The following LIN28B variants were observed in gnomAD, a reference collection of about 807,000 sequenced individuals.
LIN28B encodes protein lin-28 homolog B.
Under a neutral mutation model 21.9 loss-of-function variants are expected in LIN28B, and 5 were observed. That is an observed-to-expected ratio of 0.23 (90% CI 0.12 to 0.48). The LOEUF (loss-of-function observed/expected upper bound fraction) is 0.48. LIN28B is among the 20% of genes least tolerant of loss of function. The pLI, the probability that LIN28B is intolerant of heterozygous loss-of-function variation, is 0.98. For synonymous variants in LIN28B, 109 were observed against 111.3 expected, an observed-to-expected ratio of 0.98 and a Z score of 0.13; for missense variants, 245 against 310.5, an observed-to-expected ratio of 0.79 and a Z score of 1.58.
chr6:104,985,852 T>C (rs1562081943), intron 2 of LIN28B, among the ~76,000 whole-genome samples: 2 of 152,208 alleles, frequency 1.3e-5, no homozygotes, highest in African/African-American at 4.8e-5. Flanking sequence ...TTTATTTGTT[T>C]TGTCTTATGA....
rs1247907995 is a variant in LIN28B, at chr6:105,078,806, T to A, written c.*23T>A. ...TAACAGGTCTTCTTCATATGTTCTT[T>A]CCTTTACCCGGTTGCAAAGTCTACC... On this transcript the variant is annotated 3_prime_UTR_variant, in exon 4 of 4. Coordinates refer to ENST00000345080, the MANE Select transcript of LIN28B (RefSeq NM_001004317.4). 6.3e-7 allele frequency: 1 copy of A among 1,594,692 alleles called. No homozygotes were observed. Among genetic ancestry groups the A allele is most frequent in the Non-Finnish European group, 8.6e-7 (1 of 1,168,352 alleles).
intron 3 of LIN28B, among the ~76,000 whole-genome samples, chr6:105,070,601 C>A (rs990128713): frequency 1.4e-5 from 2 of 144,372 alleles, no homozygotes; most frequent in African/African-American, 5.2e-5. Flanking sequence ...ACCACACACA[C>A]ACACACACAC....
intron 2 of LIN28B, among the ~76,000 whole-genome samples, chr6:104,946,401 G>A (rs2114547016): frequency 6.6e-6 from 1 of 152,178 alleles, no homozygotes; most frequent in East Asian, 1.9e-4. Context: ...TTTTACTGAG[G>A]CAGCATTTGA....
At chr6:105,036,598 A>G (rs928172603) in intron 3 of LIN28B, among the ~76,000 whole-genome samples, 1 of 152,010 alleles carries the variant, frequency 6.6e-6, no homozygotes, top group Non-Finnish European at 1.5e-5. Flanking sequence ...ACCCTCTGCC[A>G]GACATTGTGT....
chr6:104,984,532 A>G (rs1435353634), intron 2 of LIN28B, among the ~76,000 whole-genome samples: 2 of 151,522 alleles, frequency 1.3e-5, no homozygotes, highest in Non-Finnish European at 2.9e-5. Flanking sequence ...GCGGTCTCCA[A>G]CTCCTGGGCC....
intron 3 of LIN28B, among the ~76,000 whole-genome samples, chr6:105,059,444 T>C (rs1400699642): frequency 6.6e-6 from 1 of 152,218 alleles, no homozygotes; most frequent in African/African-American, 2.4e-5. Context: ...CCCAAGTCTG[T>C]GACTTCAACC....
chr6:105,009,467 G>A (rs1480014368), intron 2 of LIN28B, among the ~76,000 whole-genome samples: 3 of 152,048 alleles, frequency 2.0e-5, no homozygotes, highest in South Asian at 2.1e-4. Context: ...GGGGGGAGGC[G>A]TGTTATTATT....
chr6:105,019,279 A>G (rs1771089146), intron 2 of LIN28B, among the ~76,000 whole-genome samples: 2 of 152,022 alleles, frequency 1.3e-5, no homozygotes, highest in Admixed American at 1.3e-4. Flanking sequence ...ATGTTTTATG[A>G]TTCTTGGTTG....
intron 2 of LIN28B, among the ~76,000 whole-genome samples, chr6:104,983,608 C>G (rs1288625936): frequency 1.3e-5 from 2 of 152,120 alleles, no homozygotes; most frequent in African/African-American, 4.8e-5. Flanking sequence ...CGGAGTTTCG[C>G]TCTTATTGCC....
chr6:105,072,743 C>G (rs1772355254), intron 3 of LIN28B, among the ~76,000 whole-genome samples: 1 of 152,056 alleles, frequency 6.6e-6, no homozygotes, highest in African/African-American at 2.4e-5. Flanking sequence ...GGCTTACAAT[C>G]TTATGAATTT....
intron 3 of LIN28B, among the ~76,000 whole-genome samples, chr6:105,039,456 G>A (rs773868242): frequency 3.6e-4 from 54 of 152,060 alleles, no homozygotes; most frequent in Non-Finnish European, 6.0e-4. Context: ...AAACCCTACT[G>A]TATTGTTGAA....
intron 2 of LIN28B, among the ~76,000 whole-genome samples, chr6:105,017,428 A>T (rs1264634803): frequency 6.6e-6 from 1 of 152,202 alleles, no homozygotes; most frequent in African/African-American, 2.4e-5. Flanking sequence ...ACTTATAAAA[A>T]TAGTTTAAAG....
chr6:105,050,556 T>TG (rs1177464520), intron 3 of LIN28B, among the ~76,000 whole-genome samples: 3 of 124,738 alleles, frequency 2.4e-5, no homozygotes. Context: ...GAGCTGAGAT[T>TG]GCGCCACTGC....
chr6:105,023,649 A>T (rs1444506760), intron 2 of LIN28B, among the ~76,000 whole-genome samples: 3 of 89,906 alleles, frequency 3.3e-5, no homozygotes, highest in South Asian at 2.8e-4. Flanking sequence ...AAAATATATA[A>T]TATATATATA....
At chr6:105,045,902 C>T (rs1323034681) in intron 3 of LIN28B, among the ~76,000 whole-genome samples, 1 of 152,068 alleles carries the variant, frequency 6.6e-6, no homozygotes, top group African/African-American at 2.4e-5. Context: ...TCTAATAACA[C>T]CTTTTTGAAA....
chr6:105,019,090 C>T (rs1424989024), intron 2 of LIN28B, among the ~76,000 whole-genome samples: 2 of 151,904 alleles, frequency 1.3e-5, no homozygotes, highest in Non-Finnish European at 2.9e-5. Context: ...GGATTATAAG[C>T]GCCCGCCACC....
intron 3 of LIN28B, among the ~76,000 whole-genome samples, chr6:105,041,086 T>G (rs1398380788): frequency 6.6e-6 from 1 of 151,366 alleles, no homozygotes; most frequent in Non-Finnish European, 1.5e-5. Context: ...AATTTTTTTT[T>G]TTTTTAGTAG....
rs1224752167 is a variant in LIN28B, at chr6:105,082,159, G to C, written c.*3376G>C. The stretch of plus-strand genomic sequence containing the variant: ...TTTCTAGTCTTCACTAGAAGGCCTT[G>C]GATGTATTTTTGCAGTTGAAAGATT... On this transcript the variant is annotated 3_prime_UTR_variant, in exon 4 of 4. Transcript: ENST00000345080. 1 of 152,622 alleles carries C rather than the reference G, an allele frequency of 6.6e-6. No homozygotes were observed. The highest frequency in any genetic ancestry group is 1.5e-5 in the Non-Finnish European group (1 of 68,040). 9.5% of individuals were successfully genotyped at this position (152,622 alleles called of 1,614,324 possible). A position where few individuals can be genotyped will look rare whatever the true frequency, so the allele number is the denominator to read the frequency against.
chr6:104,986,360 T>C (rs1036394616), intron 2 of LIN28B, among the ~76,000 whole-genome samples: 12 of 110,098 alleles, frequency 1.1e-4, no homozygotes, highest in South Asian at 3.4e-4. Context: ...TGCTAATTCA[T>C]TGGCCTTTTT....
Sources: gnomAD v4.1 joint callset for allele counts (sites outside exome capture counted in the v4.1 genomes callset) on GRCh38, gnomAD v4.1.1 for gene constraint, MANE v1.5 for transcripts, NCBI Gene and HGNC (gene_info 2026-07-23, HGNC 2026-07-21) for gene names.